Variants in PXDNL observed in about 807,000 individuals in gnomAD.
PXDNL encodes the protein peroxidasin like, also known as probable oxidoreductase PXDNL.
PXDNL carries 145 observed loss-of-function variants against 150.8 expected under a neutral mutation model. That is an observed-to-expected ratio of 0.96 (90% CI 0.84 to 1.10). The LOEUF (loss-of-function observed/expected upper bound fraction) is 1.10, where lower values mean the gene tolerates loss of function less well. Among genes scored for constraint, PXDNL ranks in the 50% least tolerant of loss-of-function variants. The pLI is 0.00. For synonymous variants in PXDNL, 757 were observed against 725.7 expected (o/e 1.04, Z -0.69); for missense variants, 2,087 against 1,873.9 (o/e 1.11, Z -2.10).
At chr8:51,430,335 C>A (rs1244035861) in intron 12 of PXDNL, among the ~76,000 whole-genome samples, 1 of 152,136 alleles carries the variant, frequency 6.6e-6, no homozygotes, top group Non-Finnish European at 1.5e-5. Context: ...TAAACAGAAG[C>A]TTAAAAGATC....
At chr8:51,630,442 A>C (rs1229690932) in intron 2 of PXDNL, among the ~76,000 whole-genome samples, 1 of 152,186 alleles carries the variant, frequency 6.6e-6, no homozygotes, top group Non-Finnish European at 1.5e-5. Flanking sequence ...AATGTGACCT[A>C]ATTAAACTAA....
In PXDNL at chr8:51,506,540, C is replaced by CAAAA. The variant is rs11312240; in HGVS notation, c.381-6774_381-6771dup. On this transcript the variant is annotated intron_variant, in intron 4 of 22. Coordinates refer to ENST00000356297, the MANE Select transcript of PXDNL (RefSeq NM_144651.5). ...TGGGTGACAGAGTGAGACTCTGTCT[C>CAAAA]AAAAAAAAAAAAAAAAAAAAAAAAA... is the stretch of plus-strand genomic sequence containing the variant. 1.0e-3 allele frequency among the ~76,000 whole-genome samples: 69 copies of CAAAA among 67,498 alleles called. 1 individual carries two copies. The highest frequency in any genetic ancestry group is 4.6e-3 in the African/African-American group (62 of 13,600). The allele number at this position is 67,498 out of a possible 152,430, so 44.3% of individuals were successfully genotyped here.
chr8:51,754,719 G>C (rs931911110), intron 1 of PXDNL, among the ~76,000 whole-genome samples: 1 of 152,062 alleles, frequency 6.6e-6, no homozygotes, highest in African/African-American at 2.4e-5. Flanking sequence ...TAGGTAGGAT[G>C]GTCTCGATCT....
intron 1 of PXDNL, among the ~76,000 whole-genome samples, chr8:51,737,902 A>G (rs17195281): frequency 0.077 from 11,671 of 152,110 alleles, 621 homozygotes; most frequent in Non-Finnish European, 0.11. Context: ...GAAGCCCCCA[A>G]TGATTGACAT....
intron 1 of PXDNL, among the ~76,000 whole-genome samples, chr8:51,794,510 T>G (rs2129258366): frequency 6.6e-6 from 1 of 152,268 alleles, no homozygotes; most frequent in South Asian, 2.1e-4. Context: ...TGGCCAATAT[T>G]AAACATTCTT....
intron 17 of PXDNL, among the ~76,000 whole-genome samples, chr8:51,401,763 G>GT (rs1352663003): frequency 1.3e-5 from 2 of 152,160 alleles, no homozygotes; most frequent in Non-Finnish European, 2.9e-5. Context: ...TCTCTTTGCT[G>GT]TATCTTCCTG....
At chr8:51,361,450 G>C (rs1806733853) in intron 19 of PXDNL, among the ~76,000 whole-genome samples, 1 of 152,170 alleles carries the variant, frequency 6.6e-6, no homozygotes, top group South Asian at 2.1e-4. Flanking sequence ...AAGGAGATCT[G>C]ATAGCCAAAG....
chr8:51,646,579 C>T (rs184089275), intron 2 of PXDNL, among the ~76,000 whole-genome samples: 75 of 152,110 alleles, frequency 4.9e-4, no homozygotes, highest in Non-Finnish European at 9.3e-4. Context: ...CTTTCAGTGG[C>T]GTGGTAGTGC....
At chr8:51,322,496 A>T (rs1040125410) in intron 21 of PXDNL, among the ~76,000 whole-genome samples, 1 of 152,140 alleles carries the variant, frequency 6.6e-6, no homozygotes, top group Non-Finnish European at 1.5e-5. Context: ...AAAGTCACAT[A>T]AATTAATTAA....
rs1273614139 is a variant in PXDNL, at chr8:51,809,128, G to A, written c.164+53C>T. ...TTAAAAGGACACAGGTCCTAGCAGAGAAGCAATGAAGCATTGGGGAAGAGG... is the reference window on the plus strand; with the variant it reads ...TTAAAAGGACACAGGTCCTAGCAGAAAAGCAATGAAGCATTGGGGAAGAGG... On this transcript the variant is annotated intron_variant, in intron 1 of 22. Transcript: ENST00000356297. 2.5e-6 allele frequency: 4 copies of A among 1,580,262 alleles called. No individual in the cohort carries two copies. In the African/African-American group the frequency reaches 5.4e-5, roughly 21 times the overall value.
intron 1 of PXDNL, among the ~76,000 whole-genome samples, chr8:51,778,152 C>T (rs1292660455): frequency 1.3e-5 from 2 of 151,732 alleles, no homozygotes; most frequent in African/African-American, 4.8e-5. Context: ...CTGGCTAACA[C>T]AATGAAACCC....
At chr8:51,459,922 T>C (rs943368317) in intron 8 of PXDNL, among the ~76,000 whole-genome samples, 18 of 152,194 alleles carry the variant, frequency 1.2e-4, no homozygotes, top group Admixed American at 3.3e-4. Context: ...ACCAGAAATA[T>C]TGACAAACAA....
At chr8:51,450,382 A>T (rs1323458922) in intron 10 of PXDNL, among the ~76,000 whole-genome samples, 1 of 152,128 alleles carries the variant, frequency 6.6e-6, no homozygotes, top group African/African-American at 2.4e-5. Flanking sequence ...AATCCAGCCC[A>T]GCAGGTCTCA....
intron 1 of PXDNL, among the ~76,000 whole-genome samples, chr8:51,747,656 C>G (rs1198791382): frequency 6.6e-6 from 1 of 152,174 alleles, no homozygotes; most frequent in African/African-American, 2.4e-5. Flanking sequence ...GGGCAATGCT[C>G]CAGCTGTCCA....
chr8:51,470,013 A>C (rs772125084), intron 8 of PXDNL, among the ~76,000 whole-genome samples: 1 of 152,044 alleles, frequency 6.6e-6, no homozygotes, highest in African/African-American at 2.4e-5. Context: ...CTTTTATGTC[A>C]TAAGTTAAAA....
chr8:51,409,331 G>A lies in PXDNL; in HGVS notation c.2293C>T (p.Arg765Cys), dbSNP rs1304685868. 1.2e-5 allele frequency: 18 copies of A among 1,449,732 alleles called. No homozygotes were observed. The highest frequency in any genetic ancestry group is 1.4e-5 in the Non-Finnish European group (15 of 1,107,676). 89.8% of individuals were successfully genotyped at this position (1,449,732 alleles called of 1,614,324 possible). The stretch of plus-strand genomic sequence containing the variant: ...GAGCCCACAGGAAGGCCGAGCCCGC[G>A]GGGCGCGCGGATGCCGTCCCGGTAG... ...PAYRDGIRAP[R>C]GLGLPVGSRQ... Residue 765 changes from arginine (R) to cysteine (C), a missense_variant, in exon 17 of 23, where the codon CGC (arginine) becomes TGC (cysteine). By Grantham distance (180) the Arg-to-Cys change is radical. Transcript: ENST00000356297.
In PXDNL at chr8:51,408,120, A is replaced by C. The variant is rs1162708832; in HGVS notation, c.3504T>G (p.Phe1168Leu). Residue 1168 changes from phenylalanine (F) to leucine (L), a missense_variant, in exon 17 of 23, where the codon TTT (phenylalanine) becomes TTG (leucine). Transcript: ENST00000356297. ...VFCNLTSVKN[F>L]EDLQNEIKDS... Reference sequence around the variant, plus strand: ...CTTTAATTTCATTTTGAAGATCCTCAAAGTTCTTAACTGAAGTCAAATTAC... The same window carrying C: ...CTTTAATTTCATTTTGAAGATCCTCCAAGTTCTTAACTGAAGTCAAATTAC... The C allele has an allele frequency of 1.2e-6, 2 of 1,611,266 alleles. No individual in the cohort carries two copies. The highest frequency in any genetic ancestry group is 1.3e-5 in the African/African-American group (1 of 74,742).
At chr8:51,611,815 A>G (rs954667616) in intron 2 of PXDNL, among the ~76,000 whole-genome samples, 1 of 152,236 alleles carries the variant, frequency 6.6e-6, no homozygotes, top group African/African-American at 2.4e-5. Flanking sequence ...AGACTTTCCC[A>G]GGAAGGAGCA....
chr8:51,373,129 C>T (rs1295510232), intron 18 of PXDNL, among the ~76,000 whole-genome samples: 1 of 152,140 alleles, frequency 6.6e-6, no homozygotes, highest in Non-Finnish European at 1.5e-5. Flanking sequence ...AGGGCCTTTA[C>T]ATAGGTATTT....
Sources: gnomAD v4.1 joint callset for allele counts (sites outside exome capture counted in the v4.1 genomes callset) on GRCh38, gnomAD v4.1.1 for gene constraint, MANE v1.5 for transcripts, NCBI Gene and HGNC (gene_info 2026-07-23, HGNC 2026-07-21) for gene names.